Variants in ROR1 observed in about 807,000 individuals in gnomAD.
The protein encoded by ROR1 is ROR family WNT receptor 1.
In ROR1, 19 loss-of-function variants were observed where a neutral mutation model predicts 78.8. That is an observed-to-expected ratio of 0.24 (90% CI 0.17 to 0.35). The LOEUF is 0.35. Among genes scored for constraint, ROR1 ranks in the 10% least tolerant of loss-of-function variants. The probability of loss-of-function intolerance (pLI) is 1.00; values close to 1 mark genes in which losing one functional copy is unlikely to be tolerated. For missense variants in ROR1, 917 were observed against 1,177.8 expected, an observed-to-expected ratio of 0.78 and a Z score of 3.24; for synonymous variants, 386 against 433.6, an observed-to-expected ratio of 0.89 and a Z score of 1.36.
rs116639760 is a variant in ROR1 at position 64,001,176 on chromosome 1, G to A, written c.92-8129G>A. On this transcript the variant is annotated intron_variant, in intron 1 of 8. Transcript: ENST00000371079. ...CAGCAATAAAAACAAACAAACGATT[G>A]ATACATGCAACAAAGTAGATGAATC... Among the ~76,000 whole-genome samples, 521 of 152,298 alleles carry A rather than the reference G, an allele frequency of 3.4e-3. 6 individuals carry two copies. The highest frequency in any genetic ancestry group is 0.012 in the African/African-American group (504 of 41,574).
In ROR1 at chr1:64,144,231, G is replaced by A. The variant is rs147622373; in HGVS notation, c.1174+1581G>A. 9.9e-3 allele frequency among the ~76,000 whole-genome samples: 1,512 copies of A among 152,260 alleles called. 20 individuals are homozygous for A. The highest frequency in any genetic ancestry group is 0.041 in the Middle Eastern group (12 of 292). Reference sequence around the variant, plus strand: ...AACTATAGGAGGAATAAATTTAGTGGGAGCTGGAATCAAGAGTTTTTGTTC... The same window carrying A: ...AACTATAGGAGGAATAAATTTAGTGAGAGCTGGAATCAAGAGTTTTTGTTC... On this transcript the variant is annotated intron_variant, in intron 7 of 8. Coordinates refer to ENST00000371079, the MANE Select transcript of ROR1 (RefSeq NM_005012.4).
At chr1:63,862,819 A>T (rs1231770802) in intron 1 of ROR1, among the ~76,000 whole-genome samples, 1 of 152,154 alleles carries the variant, frequency 6.6e-6, no homozygotes, top group Non-Finnish European at 1.5e-5. Context: ...GTATTTTCTG[A>T]CCTACTTAAG....
At chr1:63,950,852 T>C (rs1421231135) in intron 1 of ROR1, among the ~76,000 whole-genome samples, 2 of 152,098 alleles carry the variant, frequency 1.3e-5, no homozygotes, top group South Asian at 4.1e-4. Context: ...GATACCACAG[T>C]GAAGGGAGCA....
At chr1:64,113,360 C>G (rs1648186423) in intron 4 of ROR1, among the ~76,000 whole-genome samples, 1 of 152,174 alleles carries the variant, frequency 6.6e-6, no homozygotes, top group African/African-American at 2.4e-5. Flanking sequence ...TAGCACTCTG[C>G]AGTTTACAAA....
intron 8 of ROR1, among the ~76,000 whole-genome samples, chr1:64,175,090 C>T (rs1650342893): frequency 6.6e-6 from 1 of 150,548 alleles, no homozygotes; most frequent in Non-Finnish European, 1.5e-5. Context: ...AATATATTCA[C>T]CTGGTTGAAA....
At chr1:63,866,208 C>T (rs1235143890) in intron 1 of ROR1, among the ~76,000 whole-genome samples, 1 of 152,018 alleles carries the variant, frequency 6.6e-6, no homozygotes, top group Non-Finnish European at 1.5e-5. Context: ...CTAGATCTGA[C>T]AGAGAAATTC....
At chr1:63,935,495 C>T (rs188167035) in intron 1 of ROR1, among the ~76,000 whole-genome samples, 15 of 152,192 alleles carry the variant, frequency 9.9e-5, no homozygotes, top group Admixed American at 6.5e-4. Context: ...ATTTCTCTAA[C>T]GGAAACCCCA....
chr1:64,178,633 C>A lies in ROR1; in HGVS notation c.2592C>A (p.Ser864Arg), dbSNP rs1466024955. 6 of 1,614,062 alleles carry A rather than the reference C, an allele frequency of 3.7e-6. No homozygotes were observed. Among genetic ancestry groups the A allele is most frequent in the Non-Finnish European group, 8.5e-7 (1 of 1,180,046 alleles). The change falls in exon 9 of 9, where the codon AGC becomes AGA. Residue 864 changes from serine to arginine, a missense_variant. This residue lies in a region of ROR1 where 835 missense variants were observed against 1,069.8 expected (regional missense o/e 0.78). Transcript: ENST00000371079. This position sits in a 1 kb window ranked among gnomAD's most constrained non-coding sequence, Gnocchi z 4.3. Reference sequence around the variant, plus strand: ...CAAGCAGTGCCAGTGGGTCGACTAGCACTGGCCATGTGACTAGCTTGCCCT... The same window carrying A: ...CAAGCAGTGCCAGTGGGTCGACTAGAACTGGCCATGTGACTAGCTTGCCCT... ...RSPSSASGST[S>R]TGHVTSLPSS...
At position 64,177,462 on chromosome 1, in the gene ROR1, G is replaced by A. The variant is rs151022507; in HGVS notation, c.1421G>A (p.Arg474His). Reference protein sequence around the residue: ...KAKELPLSAVRFMEELGECAF... With the variant: ...KAKELPLSAVHFMEELGECAF... The stretch of plus-strand genomic sequence containing the variant: ...AAAGAGCTACCTCTTTCTGCTGTAC[G>A]CTTTATGGAAGAATTGGGTGAGTGT... Residue 474 changes from arginine to histidine, a missense_variant, in exon 9 of 9, where the codon CGC (arginine) becomes CAC (histidine). By Grantham distance (29) the Arg-to-His change is conservative. Around this residue, in one of 3 missense-constraint regions of ROR1, gnomAD observed 835 missense variants for 1,069.8 expected, o/e 0.78. Transcript: ENST00000371079. 58 of 1,613,928 alleles carry A rather than the reference G, an allele frequency of 3.6e-5. No homozygotes were observed. The African/African-American group carries it at 4.8e-4, about 13-fold the overall frequency.
At chr1:63,798,069 G>C (rs1644772392) in intron 1 of ROR1, among the ~76,000 whole-genome samples, 1 of 152,026 alleles carries the variant, frequency 6.6e-6, no homozygotes, top group African/African-American at 2.4e-5. Context: ...CTATCTTTTT[G>C]GCAGTAGGTC....
At chr1:64,176,155 AG>A (rs1409245292) in intron 8 of ROR1, among the ~76,000 whole-genome samples, 2 of 152,166 alleles carry the variant, frequency 1.3e-5, no homozygotes, top group Admixed American at 6.5e-5. Flanking sequence ...TTTCATTGTG[AG>A]CTAATGCCTT....
At chr1:64,054,629 A>G (rs1258360253) in intron 4 of ROR1, among the ~76,000 whole-genome samples, 1 of 152,250 alleles carries the variant, frequency 6.6e-6, no homozygotes, top group Non-Finnish European at 1.5e-5. Flanking sequence ...ATTGTAGAAT[A>G]TATTACAAAA....
Position 64,124,395 on chromosome 1 carries a change from C to T in ROR1, c.483-12974C>T, listed in dbSNP as rs547570805. On this transcript the variant is annotated intron_variant, in intron 4 of 8. Coordinates refer to ENST00000371079, the MANE Select transcript of ROR1 (RefSeq NM_005012.4). ...CTTTTTCTCCCTTCTTCCCTTTCTC[C>T]TTCCCTCTCTGTCTCCATCTGCCCC... Among the ~76,000 whole-genome samples, 24 of 152,024 alleles carry T rather than the reference C, an allele frequency of 1.6e-4. No individual in the cohort carries two copies. The South Asian group carries it at 4.6e-3, about 29-fold the overall frequency.
At chr1:64,104,127 C>T (rs1278872907) in intron 4 of ROR1, among the ~76,000 whole-genome samples, 1 of 152,050 alleles carries the variant, frequency 6.6e-6, no homozygotes, top group Non-Finnish European at 1.5e-5. Flanking sequence ...CTTATATTAC[C>T]CTTAGGACAT....
At chr1:63,933,627 G>A (rs1164108091) in intron 1 of ROR1, among the ~76,000 whole-genome samples, 2 of 152,170 alleles carry the variant, frequency 1.3e-5, no homozygotes, top group Admixed American at 6.5e-5. Context: ...TGCTTTGTAC[G>A]TTTTATCTAA....
chr1:63,879,765 A>G (rs974581829), intron 1 of ROR1, among the ~76,000 whole-genome samples: 9 of 152,162 alleles, frequency 5.9e-5, no homozygotes, highest in Non-Finnish European at 1.2e-4. Context: ...GAGTAATGCT[A>G]ATTTAGGAGT....
In ROR1 at chr1:63,812,917, A is replaced by G. The variant is rs764327458; in HGVS notation, c.91+38409A>G. On this transcript the variant is annotated intron_variant, in intron 1 of 8. Transcript: ENST00000371079. ...ACAGAGCTGGTAAGGCATTGAGCAC[A>G]GGGTCCAACTCCAGGGTGTCTGGTT... Among the ~76,000 whole-genome samples the G allele has an allele frequency of 4.6e-5, 7 of 152,184 alleles. 1 individual carries two copies. The highest frequency in any genetic ancestry group is 1.0e-4 in the Non-Finnish European group (7 of 68,028).
At chr1:64,139,511 A>G (rs766169096) in intron 5 of ROR1, among the ~76,000 whole-genome samples, 2 of 152,202 alleles carry the variant, frequency 1.3e-5, no homozygotes, top group Non-Finnish European at 2.9e-5. Flanking sequence ...GTAAGAGATT[A>G]AGCTAAGGAA....
chr1:64,066,318 CTT>C (rs747396331), intron 4 of ROR1, among the ~76,000 whole-genome samples: 15,147 of 139,650 alleles, frequency 0.11, 815 homozygotes, highest in African/African-American at 0.17. Flanking sequence ...TTTAAACTCA[CTT>C]TTTTTTTTTT....
Sources: allele counts gnomAD v4.1 joint callset (sites outside exome capture counted in the v4.1 genomes callset), GRCh38; gene constraint gnomAD v4.1.1; regional missense constraint gnomAD v4.1.1; non-coding constraint Gnocchi (gnomAD v3.1); transcripts MANE v1.5; gene names NCBI Gene and HGNC (gene_info 2026-07-23, HGNC 2026-07-21).